TCHP: variants seen among roughly 807,000 people sequenced by gnomAD.
The protein encoded by TCHP is trichoplein keratin filament binding.
In TCHP, 81 loss-of-function variants were observed where a neutral mutation model predicts 88.7. The ratio of observed to expected loss-of-function variants is 0.91; its 90% CI spans 0.76 to 1.10. TCHP has a LOEUF of 1.10. Among genes scored for constraint, TCHP ranks in the 50% least tolerant of loss-of-function variants. TCHP has a pLI of 0.00. For missense variants in TCHP, 641 were observed against 632.1 expected (o/e 1.01, Z -0.15); for synonymous variants, 232 against 232.5 (o/e 1.00, Z 0.02).
Position 109,911,067 on chromosome 12 carries a change from C to G in TCHP, c.884C>G (p.Ala295Gly). Reference protein sequence around the residue: ...RTQQIQEELEADRRILQALLE... With the variant: ...RTQQIQEELEGDRRILQALLE... ...GCCGCCCTCTGCTTCCTCTAGGAGG[C>G]AGACAGGCGGATCCTGCAGGCCCTC... The change falls in exon 9 of 13, where the codon GCA becomes GGA. Residue 295 changes from alanine (A) to glycine (G), a missense_variant. By Grantham distance (60) the Ala-to-Gly change is moderately conservative. Transcript: ENST00000405876. 6.4e-7 allele frequency: 1 copy of G among 1,574,782 alleles called. No individual in the cohort carries two copies. Among genetic ancestry groups the G allele is most frequent in the Non-Finnish European group, 8.6e-7 (1 of 1,160,244 alleles).
chr12:109,883,001 C>G, the TCHP span, among the ~76,000 whole-genome samples: 1 of 150,994 alleles, frequency 6.6e-6, no homozygotes, highest in Non-Finnish European at 1.5e-5. Context: ...ATCACTAGTG[C>G]ATTTCTGCTG....
the TCHP span, among the ~76,000 whole-genome samples, chr12:109,882,753 G>A: frequency 3.3e-5 from 5 of 150,648 alleles, no homozygotes; most frequent in Middle Eastern, 0.01. Context: ...CGCCTCCCGG[G>A]TTCAGGCAAT....
chr12:109,904,950 G>A, intron 4 of TCHP, 157 bp downstream of exon 4: 1 of 627,390 alleles, frequency 1.6e-6, no homozygotes, highest in Non-Finnish European at 2.8e-6. Flanking sequence ...GGCACAGGCT[G>A]CGCTGAGCGG....
At chr12:109,904,852 C>A in intron 4 of TCHP, 59 bp downstream of exon 4, 1 of 1,339,992 alleles carries the variant, frequency 7.5e-7, no homozygotes, top group Non-Finnish European at 1.0e-6. Context: ...TTTCCAGACA[C>A]TTTTTTTTTT....
At chr12:109,887,027 G>C in the TCHP span, among the ~76,000 whole-genome samples, 1 of 152,054 alleles carries the variant, frequency 6.6e-6, no homozygotes, top group Admixed American at 6.6e-5. Context: ...TATTGTTATC[G>C]GGGTGTCCCT....
Position 109,903,492 on chromosome 12 carries a change from T to G in TCHP, c.188+278T>G, listed in dbSNP as rs1869937977. Reference sequence around the variant, plus strand: ...GCCACAGTTAACAGTCTGGCACATATCCTTCCATGCTGTTTCCCACTGGTA... The same window carrying G: ...GCCACAGTTAACAGTCTGGCACATAGCCTTCCATGCTGTTTCCCACTGGTA... On this transcript the variant is annotated intron_variant, in intron 2 of 12. Transcript: ENST00000405876. This position sits in a 1 kb window ranked among gnomAD's most constrained non-coding sequence, Gnocchi z 4.6. Among the ~76,000 whole-genome samples the G allele has an allele frequency of 6.6e-6, 1 of 152,216 alleles. No homozygotes were observed. The highest frequency in any genetic ancestry group is 1.5e-5 in the Non-Finnish European group (1 of 68,032).
intron 4 of TCHP, among the ~76,000 whole-genome samples, chr12:109,906,087 C>A (rs1454595756): frequency 6.6e-6 from 1 of 152,212 alleles, no homozygotes; most frequent in Non-Finnish European, 1.5e-5. Context: ...GCGCTCAAAT[C>A]TCTTACTAAC....
chr12:109,904,662 C>T, intron 3 of TCHP, 75 bp from the exon 4 acceptor site: 1 of 1,418,254 alleles, frequency 7.1e-7, no homozygotes, highest in Non-Finnish European at 9.9e-7. Context: ...GAGCTGACTT[C>T]CACTGTGTGT....
chr12:109,901,918 G>A (rs1869821584), intron 1 of TCHP, among the ~76,000 whole-genome samples: 1 of 152,112 alleles, frequency 6.6e-6, no homozygotes, highest in Non-Finnish European at 1.5e-5. Flanking sequence ...TAACTCGCTC[G>A]GGTACAACAA....
chr12:109,886,799 C>T, the TCHP span, among the ~76,000 whole-genome samples: 1 of 152,090 alleles, frequency 6.6e-6, no homozygotes, highest in Non-Finnish European at 1.5e-5. Context: ...CCCTCCACCT[C>T]CCGGGTTCAA....
rs1446957775 is a variant in TCHP, at chr12:109,903,942, A to G, written c.194A>G (p.His65Arg). ...SSKTSYQRSM[H>R]AYQREKMKEE... ...GCAGGCCCCCTCTCACCCAGCATGCATGCCTATCAGCGGGAGAAGATGAAG... is the reference window on the plus strand; with the variant it reads ...GCAGGCCCCCTCTCACCCAGCATGCGTGCCTATCAGCGGGAGAAGATGAAG... Residue 65 changes from histidine to arginine, a missense_variant, in exon 3 of 13, where the codon CAT (histidine) becomes CGT (arginine). Physicochemically the swap from His to Arg is conservative, Grantham distance 29. Transcript: ENST00000405876. This position sits in a 1 kb window ranked among gnomAD's most constrained non-coding sequence, Gnocchi z 4.6. 1 of 1,605,826 alleles carries G rather than the reference A, an allele frequency of 6.2e-7. No homozygotes were observed. Among genetic ancestry groups the G allele is most frequent in the Non-Finnish European group, 8.5e-7 (1 of 1,176,864 alleles).
chr12:109,913,119 G>T, intron 10 of TCHP, 47 bp downstream of exon 10: 1 of 1,589,220 alleles, frequency 6.3e-7, no homozygotes, highest in South Asian at 1.1e-5. Flanking sequence ...GTCTTGGGCA[G>T]GTGTCTGGAA....
chr12:109,905,509 G>A lies in TCHP; in HGVS notation c.456+716G>A, dbSNP rs773262887. On this transcript the variant is annotated intron_variant, in intron 4 of 12. Coordinates refer to ENST00000405876, the MANE Select transcript of TCHP (RefSeq NM_001143852.2). The surrounding 1 kb of genome is among the most constrained non-coding windows in gnomAD (Gnocchi z 4.0). ...GGAGGGGTGCTGCGACAGCCCAGCCGGGGGTTGGTGAAGGCCTGAACTGGG... is the reference window on the plus strand; with the variant it reads ...GGAGGGGTGCTGCGACAGCCCAGCCAGGGGTTGGTGAAGGCCTGAACTGGG... Among the ~76,000 whole-genome samples the A allele has an allele frequency of 6.6e-6, 1 of 152,224 alleles. No homozygotes were observed. Among genetic ancestry groups the A allele is most frequent in the Non-Finnish European group, 1.5e-5 (1 of 68,044 alleles).
chr12:109,911,552 C>T (rs944927508), intron 9 of TCHP, among the ~76,000 whole-genome samples: 11 of 146,266 alleles, frequency 7.5e-5, no homozygotes, highest in Admixed American at 1.4e-4. Context: ...GTTGGGGCTC[C>T]GATTAGCCAT....
rs1869976613 is a variant in TCHP, at chr12:109,904,062, T to C, written c.314T>C (p.Leu105Pro). ...CTGCTGGCCAGAGAACTGGAGGAGC[T>C]GAGGCTGAGCATGAACTTGCAGGAA... ...QDLLARELEE[L>P]RLSMNLQERR... is the part of the protein sequence containing the mutation. Residue 105 changes from leucine to proline, a missense_variant, in exon 3 of 13, where the codon CTG becomes CCG. Coordinates refer to ENST00000405876, the MANE Select transcript of TCHP (RefSeq NM_001143852.2). 9 of 1,604,602 alleles carry C rather than the reference T, an allele frequency of 5.6e-6. No individual in the cohort carries two copies. Among genetic ancestry groups the C allele is most frequent in the Non-Finnish European group, 7.7e-6 (9 of 1,175,498 alleles).
At chr12:109,890,883 G>A in the TCHP span, among the ~76,000 whole-genome samples, 1 of 152,210 alleles carries the variant, frequency 6.6e-6, no homozygotes, top group African/African-American at 2.4e-5. Context: ...GCCAGGCAAT[G>A]TGGGGTCAAA....
intron 3 of TCHP, 41 bp from the exon 4 acceptor site, chr12:109,904,696 A>G: frequency 6.3e-7 from 1 of 1,591,940 alleles, no homozygotes. Flanking sequence ...AATGGATTTG[A>G]AAAATGACAT....
chr12:109,889,030 CAAAA>C, the TCHP span, among the ~76,000 whole-genome samples: 45 of 100,984 alleles, frequency 4.5e-4, 1 homozygote, highest in South Asian at 0.011. Context: ...GTCCTGTCAC[CAAAA>C]AAAAAAAAAA....
the TCHP span, among the ~76,000 whole-genome samples, chr12:109,884,802 T>C: frequency 1.3e-5 from 2 of 152,150 alleles, no homozygotes; most frequent in South Asian, 4.1e-4. Flanking sequence ...GCTGAAACAA[T>C]GCCCAATCAC....
Sources: gnomAD v4.1 joint callset for allele counts (sites outside exome capture counted in the v4.1 genomes callset) on GRCh38, gnomAD v4.1.1 for gene constraint, Gnocchi (gnomAD v3.1) non-coding constraint, MANE v1.5 for transcripts, NCBI Gene and HGNC (gene_info 2026-07-23, HGNC 2026-07-21) for gene names.